ZNF609: variants seen among roughly 807,000 people sequenced by gnomAD.
ZNF609 encodes the protein zinc finger protein 609.
A neutral mutation model predicts 109.5 loss-of-function variants in ZNF609; 11 were observed. That is an observed-to-expected ratio of 0.10 (90% confidence interval 0.06 to 0.17). ZNF609 has a LOEUF of 0.17. Among genes scored for constraint, ZNF609 ranks in the 10% least tolerant of loss-of-function variants. The pLI is 1.00. For missense variants in ZNF609, 1,559 were observed against 1,772.4 expected (o/e 0.88, Z 2.16); for synonymous variants, 646 against 662.0 (o/e 0.98, Z 0.37).
chr15:64,549,426 A>G (rs982112338), intron 2 of ZNF609, among the ~76,000 whole-genome samples: 1 of 152,064 alleles, frequency 6.6e-6, no homozygotes, highest in African/African-American at 2.4e-5. Flanking sequence ...TCCACCCACC[A>G]AGGCCTCCCA....
intron 1 of ZNF609, among the ~76,000 whole-genome samples, chr15:64,486,710 G>A (rs1269230710): frequency 6.6e-6 from 1 of 151,902 alleles, no homozygotes; most frequent in Non-Finnish European, 1.5e-5. Flanking sequence ...CTGCTTCCCA[G>A]GTTCAAGTGA....
intron 2 of ZNF609, among the ~76,000 whole-genome samples, chr15:64,597,224 C>T (rs1298045945): frequency 6.6e-6 from 1 of 152,116 alleles, no homozygotes; most frequent in African/African-American, 2.4e-5. Flanking sequence ...GCCTCTTTTT[C>T]TTGCTCAGTG....
At chr15:64,493,456 T>A (rs1466539039) in intron 1 of ZNF609, among the ~76,000 whole-genome samples, 1 of 152,208 alleles carries the variant, frequency 6.6e-6, no homozygotes, top group East Asian at 1.9e-4. Context: ...TGGATGTTAT[T>A]ATGATATGTT....
Position 64,673,928 on chromosome 15 carries a change from C to A in ZNF609, c.1074C>A (p.Ser358=). 2 of 1,611,536 alleles carry A rather than the reference C, an allele frequency of 1.2e-6. No individual in the cohort carries two copies. The highest frequency in any genetic ancestry group is 1.7e-6 in the Non-Finnish European group (2 of 1,178,042). Residue 358 remains serine, a synonymous_variant, in exon 5 of 10, where the codon TCC becomes TCA. Coordinates refer to ENST00000326648, the MANE Select transcript of ZNF609 (RefSeq NM_015042.2). ...ATCCTTTGCCAAGGTTCTGTGACTC[C>A]CCGACCAGTGACCTGGAAATGCGCA... The part of the protein sequence containing the change: ...HDWAPPRFCD[S]PTSDLEMRNG...
intron 3 of ZNF609, among the ~76,000 whole-genome samples, chr15:64,648,183 G>A (rs1189147342): frequency 2.0e-5 from 3 of 152,150 alleles, no homozygotes; most frequent in African/African-American, 7.2e-5. Flanking sequence ...TTGTGAGGCA[G>A]CGTAGTTAAA....
At chr15:64,578,023 G>C (rs1002005159) in intron 2 of ZNF609, among the ~76,000 whole-genome samples, 37 of 140,876 alleles carry the variant, frequency 2.6e-4, no homozygotes, top group Middle Eastern at 3.6e-3. Flanking sequence ...ATAAAATATA[G>C]ATAATTATTT....
At chr15:64,528,946 GC>G in intron 2 of ZNF609, 1 of 1,327,044 alleles carries the variant, frequency 7.5e-7, no homozygotes, top group Middle Eastern at 2.6e-4. Flanking sequence ...GGTCAGGTCC[GC>G]CACTGACACA....
intron 1 of ZNF609, among the ~76,000 whole-genome samples, chr15:64,466,816 C>G (rs531151847): frequency 6.6e-6 from 1 of 152,174 alleles, no homozygotes; most frequent in African/African-American, 2.4e-5. Context: ...CCACCCCCAT[C>G]TCTTATCCCA....
At chr15:64,471,639 A>AGT (rs1364697259) in intron 1 of ZNF609, among the ~76,000 whole-genome samples, 2 of 152,126 alleles carry the variant, frequency 1.3e-5, no homozygotes, top group African/African-American at 2.4e-5. Flanking sequence ...GCTGGAGTGC[A>AGT]GTGGCACAGT....
At chr15:64,476,884 C>T (rs1893178293) in intron 1 of ZNF609, among the ~76,000 whole-genome samples, 1 of 152,114 alleles carries the variant, frequency 6.6e-6, no homozygotes, top group Non-Finnish European at 1.5e-5. Context: ...TTAGTGAGGC[C>T]TCAGCAACTT....
chr15:64,567,717 A>G (rs1208895584), intron 2 of ZNF609, among the ~76,000 whole-genome samples: 1 of 151,762 alleles, frequency 6.6e-6, no homozygotes, highest in African/African-American at 2.4e-5. Context: ...GCTGAAGTGC[A>G]GTGGCACGAT....
intron 2 of ZNF609, among the ~76,000 whole-genome samples, chr15:64,537,137 C>T (rs1362735798): frequency 7.1e-6 from 1 of 141,676 alleles, no homozygotes; most frequent in African/African-American, 2.6e-5. Flanking sequence ...GCAGGAGAAT[C>T]ACTTGAACCT....
chr15:64,498,538 CTTTA>C lies in ZNF609; in HGVS notation c.-127-751_-127-748del, dbSNP rs200955278. ...AGTTTTTCATAGAGTAAACATTTTT[CTTTA>C]TTTGTGTGTCGTCCTATTTTAGTGG... On this transcript the variant is annotated intron_variant, in intron 1 of 9. Coordinates refer to ENST00000326648, the MANE Select transcript of ZNF609 (RefSeq NM_015042.2). Among the ~76,000 whole-genome samples the C allele has an allele frequency of 8.1e-3, 1,234 of 152,188 alleles. 16 individuals carry two copies. Among genetic ancestry groups the C allele is most frequent in the African/African-American group, 0.029 (1,187 of 41,518 alleles).
chr15:64,677,975 G>A (rs1382271438), intron 5 of ZNF609, 141 bp from the exon 6 acceptor site: 1 of 1,136,566 alleles, frequency 8.8e-7, no homozygotes, highest in African/African-American at 1.5e-5. Context: ...TTATAAACAA[G>A]ATCAGTAGAG....
chr15:64,529,493 C>CG, intron 2 of ZNF609: 2 of 1,107,696 alleles, frequency 1.8e-6, no homozygotes, highest in South Asian at 2.5e-5. Context: ...TCAGCCTTGA[C>CG]GGTGCCATGG....
Position 64,681,394 on chromosome 15 carries a change from C to G in ZNF609, c.*5+7C>G, listed in dbSNP as rs753134385. On this transcript the variant is annotated splice_region_variant and intron_variant, in intron 9 of 9. Transcript: ENST00000326648. The stretch of plus-strand genomic sequence containing the variant: ...CCCCCAGGAGGTGAGAATGGTAAGT[C>G]ACTTTTATTAATTTGGGGCAACACA... 5.0e-6 allele frequency: 8 copies of G among 1,612,308 alleles called. No individual in the cohort carries two copies. Among genetic ancestry groups the G allele is most frequent in the Non-Finnish European group, 5.9e-6 (7 of 1,178,594 alleles).
intron 2 of ZNF609, among the ~76,000 whole-genome samples, chr15:64,541,870 A>C (rs978636437): frequency 2.0e-5 from 3 of 150,668 alleles, no homozygotes; most frequent in African/African-American, 7.3e-5. Context: ...AAAAAGTAGA[A>C]TTTCTTCTCT....
At chr15:64,571,136 G>A (rs1035034734) in intron 2 of ZNF609, among the ~76,000 whole-genome samples, 1 of 152,206 alleles carries the variant, frequency 6.6e-6, no homozygotes, top group African/African-American at 2.4e-5. Context: ...TAAGTGCTAA[G>A]GTTGATAACA....
chr15:64,644,927 C>A (rs1896307751), intron 3 of ZNF609, among the ~76,000 whole-genome samples: 2 of 152,058 alleles, frequency 1.3e-5, no homozygotes, highest in East Asian at 1.9e-4. Context: ...AGATAATGAG[C>A]TATATCTTCT....
Sources: gnomAD v4.1 joint callset for allele counts (sites outside exome capture counted in the v4.1 genomes callset) on GRCh38, gnomAD v4.1.1 for gene constraint, MANE v1.5 for transcripts, NCBI Gene and HGNC (gene_info 2026-07-23, HGNC 2026-07-21) for gene names.